EML1: variants seen among roughly 807,000 people sequenced by gnomAD.
EML1 encodes the protein echinoderm microtubule-associated protein-like 1.
A neutral mutation model predicts 110.4 loss-of-function variants in EML1; 27 were observed. The ratio of observed to expected loss-of-function variants is 0.24; its 90% CI spans 0.18 to 0.34. EML1 has a LOEUF of 0.34. Among genes scored for constraint, EML1 ranks in the 10% least tolerant of loss-of-function variants. EML1 has a pLI of 1.00. For missense variants in EML1, 741 were observed against 1,030.9 expected, an observed-to-expected ratio of 0.72 and a Z score of 3.85; for synonymous variants, 344 against 385.8, an observed-to-expected ratio of 0.89 and a Z score of 1.27.
intron 1 of EML1, among the ~76,000 whole-genome samples, chr14:99,837,237 T>C (rs2058556204): frequency 6.6e-6 from 1 of 152,196 alleles, no homozygotes; most frequent in East Asian, 1.9e-4. Flanking sequence ...AGGCTTTACC[T>C]GGGTTCCCTC....
intron 1 of EML1, among the ~76,000 whole-genome samples, chr14:99,826,973 CCATT>C (rs930602450): frequency 1.3e-5 from 2 of 152,158 alleles, no homozygotes; most frequent in Non-Finnish European, 2.9e-5. Flanking sequence ...GTAAACTCAT[CCATT>C]AATTTTTTTC....
intron 1 of EML1, among the ~76,000 whole-genome samples, chr14:99,748,558 C>T (rs2057139679): frequency 6.6e-6 from 1 of 151,960 alleles, no homozygotes; most frequent in Non-Finnish European, 1.5e-5. Flanking sequence ...CCCTTGAGTC[C>T]AGGAGTTCAA....
chr14:99,857,961 G>A (rs779775446), intron 2 of EML1, among the ~76,000 whole-genome samples: 1 of 152,084 alleles, frequency 6.6e-6, no homozygotes, highest in Non-Finnish European at 1.5e-5. Context: ...AAATGAAAAC[G>A]CATGGTACAA....
intron 1 of EML1, among the ~76,000 whole-genome samples, chr14:99,814,084 T>A (rs1482416995): frequency 6.6e-6 from 1 of 152,184 alleles, no homozygotes; most frequent in African/African-American, 2.4e-5. Flanking sequence ...TATGCTATTG[T>A]AACTTCAAGA....
upstream of EML1, among the ~76,000 whole-genome samples, chr14:99,768,397 T>C (rs59315037): frequency 0.022 from 3,409 of 151,954 alleles, 134 homozygotes; most frequent in African/African-American, 0.078. Flanking sequence ...GCAGGAAGGA[T>C]TGTGGGGTTG....
intron 1 of EML1, among the ~76,000 whole-genome samples, chr14:99,803,816 A>G (rs963885757): frequency 4.6e-5 from 7 of 152,236 alleles, no homozygotes; most frequent in African/African-American, 1.7e-4. Flanking sequence ...CCAGTTGAGA[A>G]ACGATTGAAT....
chr14:99,768,926 C>T (rs1393394387), upstream of EML1, among the ~76,000 whole-genome samples: 1 of 152,088 alleles, frequency 6.6e-6, no homozygotes, highest in Non-Finnish European at 1.5e-5. Flanking sequence ...CCATGTTGGC[C>T]ATGCTGGTCT....
rs183364150 is a variant in EML1 at position 99,841,724 on chromosome 14, G to C, written c.68-9129G>C. ...GCTAAGACATCTGCATCAATGCCTC[G>C]CACCACTGGGTGTTCAGTTTTCCCT... On this transcript the variant is annotated intron_variant, in intron 1 of 21. Transcript: ENST00000262233. 3.5e-4 allele frequency among the ~76,000 whole-genome samples: 53 copies of C among 152,280 alleles called. No homozygotes were observed. The East Asian group carries it at 5.4e-3, about 16-fold the overall frequency.
At chr14:99,771,831 C>CG (rs2057431318), upstream of EML1, among the ~76,000 whole-genome samples, 1 of 152,144 alleles carries the variant, frequency 6.6e-6, no homozygotes, top group Admixed American at 6.5e-5. Flanking sequence ...AAATAAAAAC[C>CG]AAAACAAACA....
intron 1 of EML1, among the ~76,000 whole-genome samples, chr14:99,794,286 A>C (rs1182674907): frequency 2.0e-5 from 3 of 152,174 alleles, no homozygotes; most frequent in Admixed American, 1.3e-4. Flanking sequence ...TAGCACACTG[A>C]ATATTTTATC....
At chr14:99,923,550 A>G (rs1301492272) in intron 17 of EML1, among the ~76,000 whole-genome samples, 1 of 51,694 alleles carries the variant, frequency 1.9e-5, no homozygotes, top group East Asian at 7.7e-4. Flanking sequence ...TTGAAAACAC[A>G]GTCTTTCCCT....
chr14:99,937,732 G>A (rs1029034056), intron 19 of EML1, 85 bp from the exon 20 acceptor site: 28 of 1,254,240 alleles, frequency 2.2e-5, no homozygotes, highest in African/African-American at 8.9e-5. Flanking sequence ...TGTACCCAAC[G>A]GGGCACAGCT....
At chr14:99,877,911 C>T (rs1191309877) in intron 3 of EML1, among the ~76,000 whole-genome samples, 5 of 152,092 alleles carry the variant, frequency 3.3e-5, no homozygotes, top group African/African-American at 1.2e-4. Context: ...GTCTTGGGGG[C>T]ACCATCCCCC....
chr14:99,909,402 G>C lies in EML1; in HGVS notation c.1162G>C (p.Val388Leu). ...CCACCCCACGGACACCAACATCATA[G>C]TTACTTGTGGAAAATCACATCTCTA... is the stretch of plus-strand genomic sequence containing the variant. ...DFHPTDTNII[V>L]TCGKSHLYFW... is the part of the protein sequence containing the mutation. The change falls in exon 11 of 22, where the codon GTT (valine) becomes CTT (leucine). Residue 388 changes from valine (V) to leucine (L), a missense_variant. Transcript: ENST00000262233. 1 of 1,614,188 alleles carries C rather than the reference G, an allele frequency of 6.2e-7. No homozygotes were observed. The highest frequency in any genetic ancestry group is 1.3e-5 in the African/African-American group (1 of 75,054).
intron 4 of EML1, among the ~76,000 whole-genome samples, chr14:99,880,988 G>T (rs1005093089): frequency 3.3e-5 from 5 of 152,206 alleles, no homozygotes; most frequent in African/African-American, 9.7e-5. Context: ...TTTGTAAGAT[G>T]AAAGTGTTAG....
At chr14:99,757,861 T>G (rs1460075113) in intron 1 of EML1, among the ~76,000 whole-genome samples, 2 of 152,206 alleles carry the variant, frequency 1.3e-5, no homozygotes, top group Non-Finnish European at 2.9e-5. Flanking sequence ...CAAATTACAA[T>G]GCACGAGGCA....
chr14:99,927,173 A>G (rs568848772), intron 17 of EML1, among the ~76,000 whole-genome samples: 20 of 152,252 alleles, frequency 1.3e-4, no homozygotes, highest in South Asian at 1.0e-3. Flanking sequence ...TTTTTTAACA[A>G]TTTGTTTAAA....
At chr14:99,929,066 C>G (rs1006759015) in intron 17 of EML1, among the ~76,000 whole-genome samples, 6 of 152,216 alleles carry the variant, frequency 3.9e-5, no homozygotes, top group Non-Finnish European at 8.8e-5. Context: ...CGCCTGCTAA[C>G]TTGAGCAGGT....
chr14:99,894,619 CT>C lies in EML1; in HGVS notation c.548-5del. On this transcript the variant is annotated splice_polypyrimidine_tract_variant and intron_variant, in intron 5 of 21. Coordinates refer to ENST00000262233, the MANE Select transcript of EML1 (RefSeq NM_004434.3). ...GAGGTATCTTACTGAAATCTTTGTT[CT>C]TTTTGTAGAAGAAGGCTATGTAAAA... The C allele has an allele frequency of 6.2e-7, 1 of 1,608,512 alleles. No individual in the cohort carries two copies. The highest frequency in any genetic ancestry group is 2.2e-5 in the East Asian group (1 of 44,614).
Sources: allele counts gnomAD v4.1 joint callset (sites outside exome capture counted in the v4.1 genomes callset), GRCh38; gene constraint gnomAD v4.1.1; transcripts MANE v1.5; gene names NCBI Gene and HGNC (gene_info 2026-07-23, HGNC 2026-07-21).